Variants in EML6 observed in about 807,000 individuals in gnomAD.
EML6 encodes the protein EMAP like 6, also known as echinoderm microtubule-associated protein-like 6.
A neutral mutation model predicts 240.1 loss-of-function variants in EML6; 154 were observed. The observed-to-expected ratio is 0.64, with a 90% CI of 0.56 to 0.73. The LOEUF (loss-of-function observed/expected upper bound fraction) is 0.73. Ranked by LOEUF, EML6 falls within the 30% of genes least tolerant of loss-of-function variation. The pLI, the probability that EML6 is intolerant of heterozygous loss-of-function variation, is 0.00. For missense variants in EML6, 2,964 were observed against 2,474.6 expected (o/e 1.20, Z -4.20); for synonymous variants, 1,148 against 899.0 (o/e 1.28, Z -4.95).
chr2:54,818,997 T>C (rs1668203909), intron 4 of EML6, among the ~76,000 whole-genome samples: 1 of 152,208 alleles, frequency 6.6e-6, no homozygotes, highest in South Asian at 2.1e-4. Flanking sequence ...ATATACCTTA[T>C]CTTCATTGAC....
chr2:54,862,418 A>G (rs916221548), intron 12 of EML6, among the ~76,000 whole-genome samples: 5 of 151,530 alleles, frequency 3.3e-5, no homozygotes, highest in Admixed American at 2.6e-4. Context: ...GAGAGGTTCA[A>G]CAGCAGACTA....
At chr2:54,926,083 C>G (rs1044183444) in intron 26 of EML6, among the ~76,000 whole-genome samples, 10 of 152,190 alleles carry the variant, frequency 6.6e-5, no homozygotes, top group Admixed American at 6.5e-4. Context: ...GGATTGACAA[C>G]CACTACTCTG....
At chr2:54,825,776 T>C (rs958999306) in intron 5 of EML6, among the ~76,000 whole-genome samples, 1 of 152,148 alleles carries the variant, frequency 6.6e-6, no homozygotes, top group African/African-American at 2.4e-5. Flanking sequence ...GCCTGAATCC[T>C]GGCCACCTTG....
intron 2 of EML6, among the ~76,000 whole-genome samples, chr2:54,787,974 C>T (rs569356008): frequency 1.4e-4 from 21 of 152,306 alleles, no homozygotes; most frequent in Non-Finnish European, 2.8e-4. Context: ...GCCTGTTCCT[C>T]ATCTCGCAGA....
At chr2:54,956,557 TAGAGAG>T (rs1676241742) in intron 32 of EML6, among the ~76,000 whole-genome samples, 1 of 152,072 alleles carries the variant, frequency 6.6e-6, no homozygotes, top group South Asian at 2.1e-4. Flanking sequence ...GAGCCCTAAG[TAGAGAG>T]AGATCTGCTA....
At chr2:54,806,612 C>CA (rs58185994) in intron 2 of EML6, among the ~76,000 whole-genome samples, 108 of 52,860 alleles carry the variant, frequency 2.0e-3, no homozygotes, top group Non-Finnish European at 2.7e-3. Flanking sequence ...ACTCCGTCTC[C>CA]AAAAAAAAAA....
intron 24 of EML6, among the ~76,000 whole-genome samples, chr2:54,905,593 C>T (rs899798968): frequency 1.3e-5 from 2 of 152,158 alleles, no homozygotes; most frequent in Admixed American, 1.3e-4. Flanking sequence ...AGTTCAAGGA[C>T]GTTAAAAACA....
intron 2 of EML6, among the ~76,000 whole-genome samples, chr2:54,811,946 C>T (rs548149355): frequency 6.6e-6 from 1 of 152,236 alleles, no homozygotes; most frequent in East Asian, 1.9e-4. Flanking sequence ...GTATTACTTG[C>T]TTATGAAGAT....
At chr2:54,753,656 T>C (rs999150612) in intron 2 of EML6, among the ~76,000 whole-genome samples, 1 of 140,132 alleles carries the variant, frequency 7.1e-6, no homozygotes, top group Non-Finnish European at 1.5e-5. Flanking sequence ...AAGAATGCAG[T>C]CCTGAGTTTT....
intron 24 of EML6, among the ~76,000 whole-genome samples, chr2:54,907,402 G>A (rs1236749154): frequency 2.6e-5 from 4 of 152,168 alleles, no homozygotes; most frequent in Admixed American, 6.5e-5. Flanking sequence ...AGCTACTTGG[G>A]AGGCTGAGGC....
chr2:54,971,739 C>A lies in EML6; in HGVS notation c.*1644C>A, dbSNP rs1256171776. 6.6e-6 allele frequency: 1 copy of A among 152,188 alleles called. No homozygotes were observed. Among genetic ancestry groups the A allele is most frequent in the South Asian group, 2.1e-4 (1 of 4,832 alleles). 9.4% of individuals were successfully genotyped at this position (152,188 alleles called of 1,614,324 possible). On this transcript the variant is annotated 3_prime_UTR_variant, in exon 42 of 42. Coordinates refer to ENST00000356458, the MANE Select transcript of EML6 (RefSeq NM_001039753.4). Reference sequence around the variant, plus strand: ...CCATGTCTGCCTATCTTGTACTAGACTCTTCATGCTGATCGGATCTTGCAT... The same window carrying A: ...CCATGTCTGCCTATCTTGTACTAGAATCTTCATGCTGATCGGATCTTGCAT...
chr2:54,911,287 G>A (rs1038234027), intron 25 of EML6, among the ~76,000 whole-genome samples: 1 of 152,154 alleles, frequency 6.6e-6, no homozygotes, highest in African/African-American at 2.4e-5. Context: ...TGAAGACAAT[G>A]AATAAGCTAG....
chr2:54,824,241 A>G (rs1028908267), intron 5 of EML6, among the ~76,000 whole-genome samples: 3 of 152,290 alleles, frequency 2.0e-5, no homozygotes, highest in Admixed American at 1.3e-4. Flanking sequence ...AAAATTCTGA[A>G]ACTTTATTTG....
chr2:54,958,233 C>T (rs532813211), intron 33 of EML6, among the ~76,000 whole-genome samples: 2 of 152,168 alleles, frequency 1.3e-5, no homozygotes, highest in African/African-American at 4.8e-5. Context: ...GCTCTGTCAC[C>T]TAGGCTGGAG....
At chr2:54,902,913 G>T in intron 22 of EML6, 131 bp from the exon 23 acceptor site, 5 of 778,392 alleles carry the variant, frequency 6.4e-6, no homozygotes, top group Non-Finnish European at 1.0e-5. Context: ...GTTCTCACAA[G>T]TGTAGTGTCA....
intron 24 of EML6, among the ~76,000 whole-genome samples, chr2:54,904,491 C>A (rs898067012): frequency 3.0e-4 from 45 of 152,030 alleles, no homozygotes; most frequent in African/African-American, 9.2e-4. Context: ...AAGGGAGTGA[C>A]CTTTGAGGTT....
intron 24 of EML6, among the ~76,000 whole-genome samples, chr2:54,905,291 A>G (rs2104240346): frequency 6.9e-6 from 1 of 144,610 alleles, no homozygotes; most frequent in African/African-American, 2.5e-5. Flanking sequence ...GCCAGGTAGA[A>G]TAGGGTCTGA....
chr2:54,905,344 AC>A (rs1673270031), intron 24 of EML6, among the ~76,000 whole-genome samples: 2 of 149,018 alleles, frequency 1.3e-5, no homozygotes, highest in East Asian at 2.0e-4. Context: ...ACACACACAC[AC>A]ACACACACAC....
intron 2 of EML6, among the ~76,000 whole-genome samples, chr2:54,777,175 A>G (rs767715738): frequency 1.5e-4 from 23 of 152,188 alleles, no homozygotes; most frequent in Non-Finnish European, 2.8e-4. Context: ...GAAGTCTGCT[A>G]GCCCTGAAAA....
Sources: gnomAD v4.1 joint callset for allele counts (sites outside exome capture counted in the v4.1 genomes callset) on GRCh38, gnomAD v4.1.1 for gene constraint, MANE v1.5 for transcripts, NCBI Gene and HGNC (gene_info 2026-07-23, HGNC 2026-07-21) for gene names.